CNTN6: variants seen among roughly 807,000 people sequenced by gnomAD.
CNTN6 encodes the protein contactin-6.
In CNTN6, 137 loss-of-function variants were observed where a neutral mutation model predicts 122.8. The ratio of observed to expected loss-of-function variants is 1.12; its 90% confidence interval spans 0.97 to 1.29. CNTN6 has a LOEUF of 1.29. Ranked by LOEUF, CNTN6 falls within the 50% of genes most tolerant of loss-of-function variation. The probability of loss-of-function intolerance (pLI) is 0.00; values close to 1 mark genes in which losing one functional copy is unlikely to be tolerated. For missense variants in CNTN6, 1,634 were observed against 1,223.4 expected, an observed-to-expected ratio of 1.34 and a Z score of -5.01; for synonymous variants, 570 against 426.0, an observed-to-expected ratio of 1.34 and a Z score of -4.16.
chr3:1,363,043 A>G (rs1249177538), intron 12 of CNTN6, among the ~76,000 whole-genome samples: 1 of 151,944 alleles, frequency 6.6e-6, no homozygotes, highest in Non-Finnish European at 1.5e-5. Context: ...CCAAATAAAG[A>G]CAAAATAAAG....
chr3:1,131,056 AC>A (rs1235459966), intron 1 of CNTN6, among the ~76,000 whole-genome samples: 5 of 152,074 alleles, frequency 3.3e-5, no homozygotes, highest in Non-Finnish European at 5.9e-5. Flanking sequence ...TAACAGGCAG[AC>A]CCTGGAGATG....
chr3:1,135,360 T>C (rs2092445153), intron 1 of CNTN6, among the ~76,000 whole-genome samples: 1 of 151,980 alleles, frequency 6.6e-6, no homozygotes, highest in Admixed American at 6.6e-5. Flanking sequence ...AGGGGATGGG[T>C]TGATGGAAGA....
At chr3:1,103,565 G>T (rs11917879) in intron 1 of CNTN6, among the ~76,000 whole-genome samples, 3,616 of 152,188 alleles carry the variant, frequency 0.024, 154 homozygotes, top group African/African-American at 0.083. Flanking sequence ...GAGTGATTTT[G>T]CAATAAACAG....
At chr3:1,296,010 G>T (rs1352926904) in intron 6 of CNTN6, among the ~76,000 whole-genome samples, 1 of 152,098 alleles carries the variant, frequency 6.6e-6, no homozygotes, top group African/African-American at 2.4e-5. Flanking sequence ...GGTATACCAA[G>T]CCATCTCCTT....
intron 6 of CNTN6, among the ~76,000 whole-genome samples, chr3:1,297,560 T>C (rs1696462493): frequency 6.6e-6 from 1 of 152,154 alleles, no homozygotes; most frequent in Non-Finnish European, 1.5e-5. Context: ...GCAGAACTAC[T>C]GTTATTTTGG....
chr3:1,229,369 T>C (rs2094325548), intron 4 of CNTN6, among the ~76,000 whole-genome samples: 3 of 152,130 alleles, frequency 2.0e-5, no homozygotes, highest in Non-Finnish European at 4.4e-5. Flanking sequence ...GAGATGACCC[T>C]ACAACATACA....
chr3:1,369,782 A>G (rs1232976903), intron 12 of CNTN6, among the ~76,000 whole-genome samples: 1 of 151,888 alleles, frequency 6.6e-6, no homozygotes, highest in Non-Finnish European at 1.5e-5. Flanking sequence ...TTTTTTTTTC[A>G]GAGTAACTAC....
intron 12 of CNTN6, among the ~76,000 whole-genome samples, chr3:1,365,885 A>G (rs1708150160): frequency 6.6e-6 from 1 of 152,196 alleles, no homozygotes; most frequent in Non-Finnish European, 1.5e-5. Context: ...CTTACTGGAT[A>G]TAAATTTTTC....
At chr3:1,200,946 T>C (rs990486671) in intron 2 of CNTN6, among the ~76,000 whole-genome samples, 2 of 151,412 alleles carry the variant, frequency 1.3e-5, no homozygotes, top group Non-Finnish European at 2.9e-5. Context: ...TTTTTTTTTT[T>C]CCCAAGGTCT....
intron 7 of CNTN6, among the ~76,000 whole-genome samples, chr3:1,303,245 C>T (rs1449399609): frequency 2.0e-5 from 3 of 152,100 alleles, no homozygotes; most frequent in African/African-American, 7.2e-5. Flanking sequence ...AAATCCTCAG[C>T]CTGATAGTCC....
chr3:1,355,619 T>C, intron 12 of CNTN6, among the ~76,000 whole-genome samples: 1 of 151,796 alleles, frequency 6.6e-6, no homozygotes, highest in East Asian at 1.9e-4. Flanking sequence ...TTCTCATCAG[T>C]AATATTCATA....
chr3:1,129,507 A>G (rs983280876), intron 1 of CNTN6, among the ~76,000 whole-genome samples: 1 of 152,086 alleles, frequency 6.6e-6, no homozygotes, highest in Non-Finnish European at 1.5e-5. Flanking sequence ...TGTGACCTAC[A>G]GTAAATTACC....
intron 1 of CNTN6, among the ~76,000 whole-genome samples, chr3:1,138,882 T>G (rs955628556): frequency 2.6e-5 from 4 of 152,094 alleles, no homozygotes; most frequent in African/African-American, 9.7e-5. Context: ...CATCTACCTT[T>G]TCATTCTTTT....
rs1355463656 is a variant in CNTN6, at chr3:1,401,462, T to C, written c.2734T>C (p.Trp912Arg). Reference protein sequence around the residue: ...PPSQPPANIAWKLTNSKLCLN... With the variant: ...PPSQPPANIARKLTNSKLCLN... The stretch of plus-strand genomic sequence containing the variant: ...AAGCCAACCACCAGCAAACATTGCC[T>C]GGAAGCTGACAAACTCTAAATTATG... The change falls in exon 21 of 23, where the codon TGG becomes CGG. Residue 912 changes from tryptophan (W) to arginine (R), a missense_variant. By Grantham distance (101) the Trp-to-Arg change is moderately radical. Coordinates refer to ENST00000446702, the MANE Select transcript of CNTN6 (RefSeq NM_001289080.2). The C allele has an allele frequency of 1.9e-6, 3 of 1,612,114 alleles. No homozygotes were observed. The highest frequency in any genetic ancestry group is 1.7e-6 in the Non-Finnish European group (2 of 1,178,666).
At chr3:1,223,618 T>C (rs1262122764) in intron 3 of CNTN6, among the ~76,000 whole-genome samples, 1 of 152,200 alleles carries the variant, frequency 6.6e-6, no homozygotes, top group African/African-American at 2.4e-5. Flanking sequence ...ATGAACTTAG[T>C]TCTACCTCAG....
At chr3:1,223,830 A>C (rs965256529) in intron 3 of CNTN6, among the ~76,000 whole-genome samples, 3 of 152,202 alleles carry the variant, frequency 2.0e-5, no homozygotes, top group African/African-American at 7.2e-5. Context: ...CCTCTAAGAA[A>C]AAACTATAAT....
chr3:1,257,722 GGTA>G (rs2094782731), intron 4 of CNTN6, among the ~76,000 whole-genome samples: 2 of 152,064 alleles, frequency 1.3e-5, no homozygotes, highest in African/African-American at 4.8e-5. Flanking sequence ...CTCCCGGCAG[GGTA>G]GAACACTAGC....
chr3:1,165,515 C>T (rs948896653), intron 2 of CNTN6, among the ~76,000 whole-genome samples: 16 of 152,152 alleles, frequency 1.1e-4, no homozygotes, highest in African/African-American at 3.4e-4. Flanking sequence ...AAACTTTTTT[C>T]CTACCTTTCT....
chr3:1,119,371 C>T (rs1375314661), intron 1 of CNTN6, among the ~76,000 whole-genome samples: 1 of 28,796 alleles, frequency 3.5e-5, no homozygotes, highest in African/African-American at 1.6e-4. Context: ...TCTCTTTGGC[C>T]CAGATAAACT....
Sources: allele counts gnomAD v4.1 joint callset (sites outside exome capture counted in the v4.1 genomes callset), GRCh38; gene constraint gnomAD v4.1.1; transcripts MANE v1.5; gene names NCBI Gene and HGNC (gene_info 2026-07-23, HGNC 2026-07-21).